The following PTPRT variants were observed in gnomAD, a reference collection of about 807,000 sequenced individuals.
The protein encoded by PTPRT is receptor-type tyrosine-protein phosphatase T.
In PTPRT, 56 loss-of-function variants were observed where a neutral mutation model predicts 176.8. The ratio of observed to expected loss-of-function variants is 0.32; its 90% confidence interval spans 0.26 to 0.40. PTPRT has a LOEUF of 0.40. Among genes scored for constraint, PTPRT ranks in the 10% least tolerant of loss-of-function variants. The pLI is 1.00. For missense variants in PTPRT, 1,540 were observed against 1,908.2 expected, an observed-to-expected ratio of 0.81 and a Z score of 3.60; for synonymous variants, 783 against 739.0, an observed-to-expected ratio of 1.06 and a Z score of -0.96.
At chr20:43,081,932 T>C (rs778218388) in intron 1 of PTPRT, among the ~76,000 whole-genome samples, 3 of 152,206 alleles carry the variant, frequency 2.0e-5, no homozygotes, top group Non-Finnish European at 2.9e-5. Context: ...TTTGAGGCTA[T>C]GTTGTTGGTT....
chr20:43,017,263 C>A (rs1985415922), intron 1 of PTPRT, among the ~76,000 whole-genome samples: 1 of 152,142 alleles, frequency 6.6e-6, no homozygotes, highest in Non-Finnish European at 1.5e-5. Flanking sequence ...TATTACTGAT[C>A]TCGATGATTA....
intron 1 of PTPRT, among the ~76,000 whole-genome samples, chr20:43,006,741 A>G (rs1414538250): frequency 6.6e-6 from 1 of 152,212 alleles, no homozygotes; most frequent in Non-Finnish European, 1.5e-5. Context: ...TATTGGTCCT[A>G]CAGGTCACCG....
At position 42,072,883 on chromosome 20, in the gene PTPRT, C is replaced by T. The variant is rs1396861292; in HGVS notation, c.*7996G>A. ...TGGACTTGCAGGTGTAAAAAGATTA[C>T]ACTTCACTGTAATGTACAGTCAAAA... On this transcript the variant is annotated 3_prime_UTR_variant, in exon 31 of 31. Transcript: ENST00000373187. 1 of 222,654 alleles carries T rather than the reference C, an allele frequency of 4.5e-6. No individual in the cohort carries two copies. The highest frequency in any genetic ancestry group is 9.0e-6 in the Non-Finnish European group (1 of 111,278). 13.8% of individuals were successfully genotyped at this position (222,654 alleles called of 1,614,324 possible). A position where few individuals can be genotyped will look rare whatever the true frequency, so the allele number is the denominator to read the frequency against.
At chr20:42,680,969 C>T (rs549919389) in intron 6 of PTPRT, among the ~76,000 whole-genome samples, 26 of 152,266 alleles carry the variant, frequency 1.7e-4, no homozygotes, top group African/African-American at 5.3e-4. Flanking sequence ...AAGTTTATCA[C>T]GGTGTTTCCT....
intron 7 of PTPRT, among the ~76,000 whole-genome samples, chr20:42,602,589 A>T (rs998169607): frequency 1.3e-5 from 2 of 152,108 alleles, no homozygotes; most frequent in African/African-American, 4.8e-5. Flanking sequence ...GACACTCTAC[A>T]GGTCACATTA....
chr20:42,392,170 G>GA (rs1211007487), intron 9 of PTPRT, among the ~76,000 whole-genome samples: 6 of 152,002 alleles, frequency 3.9e-5, no homozygotes, highest in South Asian at 2.1e-4. Context: ...CTAATTCCAG[G>GA]AAAAAATGTT....
intron 6 of PTPRT, among the ~76,000 whole-genome samples, chr20:42,686,777 C>A (rs1569084255): frequency 6.6e-6 from 1 of 152,070 alleles, no homozygotes. Flanking sequence ...CAGGCGTGAG[C>A]CACCCTGCTC....
chr20:42,246,926 C>A (rs1172387054), intron 14 of PTPRT, among the ~76,000 whole-genome samples: 1 of 152,196 alleles, frequency 6.6e-6, no homozygotes, highest in Non-Finnish European at 1.5e-5. Context: ...CTTACATGTA[C>A]AATGTGCTTA....
chr20:42,053,599 T>A, the PTPRT span, among the ~76,000 whole-genome samples: 1 of 152,158 alleles, frequency 6.6e-6, no homozygotes, highest in Non-Finnish European at 1.5e-5. Flanking sequence ...ATTAACAAGA[T>A]GCATGGAGGA....
chr20:42,106,748 C>A (rs758668499), intron 24 of PTPRT, 38 bp downstream of exon 24: 1 of 1,603,140 alleles, frequency 6.2e-7, no homozygotes, highest in South Asian at 1.1e-5. Context: ...TTGGTCAGGG[C>A]TACAGGTGGC....
chr20:42,748,052 C>G (rs1452528857), intron 6 of PTPRT, among the ~76,000 whole-genome samples: 2 of 152,252 alleles, frequency 1.3e-5, no homozygotes, highest in South Asian at 4.1e-4. Context: ...CTGCCTGTTT[C>G]TGTAAATAAA....
the PTPRT span, among the ~76,000 whole-genome samples, chr20:42,065,811 C>A: frequency 6.6e-6 from 1 of 152,182 alleles, no homozygotes; most frequent in Non-Finnish European, 1.5e-5. Context: ...CTGGTGAACT[C>A]TAGTAATATC....
chr20:42,479,712 C>T (rs551267062), intron 7 of PTPRT, among the ~76,000 whole-genome samples: 1 of 152,148 alleles, frequency 6.6e-6, no homozygotes, highest in Non-Finnish European at 1.5e-5. Flanking sequence ...TTTCTGAGTG[C>T]CAGCATGATG....
chr20:43,002,956 A>C (rs936601754), intron 1 of PTPRT, among the ~76,000 whole-genome samples: 2 of 152,074 alleles, frequency 1.3e-5, no homozygotes, highest in African/African-American at 4.8e-5. Flanking sequence ...AACTATTAAT[A>C]GATAAAACAT....
intron 15 of PTPRT, among the ~76,000 whole-genome samples, chr20:42,203,239 T>C (rs1355682762): frequency 6.6e-6 from 1 of 152,232 alleles, no homozygotes; most frequent in East Asian, 1.9e-4. Flanking sequence ...GAATTCTGAA[T>C]TTAAGTGTTA....
At chr20:42,857,550 TTGAC>T (rs2145781384) in intron 2 of PTPRT, among the ~76,000 whole-genome samples, 2 of 152,328 alleles carry the variant, frequency 1.3e-5, no homozygotes, top group East Asian at 3.9e-4. Context: ...TGCCAGATTC[TTGAC>T]TATTTCCCCA....
chr20:42,121,516 C>T (rs367923195), intron 19 of PTPRT, among the ~76,000 whole-genome samples: 27 of 152,192 alleles, frequency 1.8e-4, no homozygotes, highest in African/African-American at 4.8e-4. Flanking sequence ...GGTGGTTATG[C>T]GTACCATGGA....
At chr20:42,669,340 A>G (rs545769592) in intron 7 of PTPRT, among the ~76,000 whole-genome samples, 2 of 152,232 alleles carry the variant, frequency 1.3e-5, no homozygotes, top group African/African-American at 4.8e-5. Context: ...CATGGTCTTG[A>G]AAATTTCTCC....
intron 5 of PTPRT, among the ~76,000 whole-genome samples, chr20:42,758,446 T>C (rs2076867944): frequency 6.6e-6 from 1 of 152,038 alleles, no homozygotes; most frequent in Admixed American, 6.6e-5. Flanking sequence ...AAACCCAGGG[T>C]ATCCCAGGCC....
Sources: gnomAD v4.1 joint callset for allele counts (sites outside exome capture counted in the v4.1 genomes callset) on GRCh38, gnomAD v4.1.1 for gene constraint, MANE v1.5 for transcripts, NCBI Gene and HGNC (gene_info 2026-07-23, HGNC 2026-07-21) for gene names.